EBF4: variants seen among roughly 807,000 people sequenced by gnomAD.
EBF4 encodes the protein transcription factor COE4.
A neutral mutation model predicts 67.1 loss-of-function variants in EBF4; 34 were observed. The observed-to-expected ratio is 0.51, with a 90% confidence interval of 0.39 to 0.67. The LOEUF (loss-of-function observed/expected upper bound fraction) is 0.67, where lower values mean the gene tolerates loss of function less well. Among genes scored for constraint, EBF4 ranks in the 30% least tolerant of loss-of-function variants. The pLI, the probability that EBF4 is intolerant of heterozygous loss-of-function variation, is 0.00. For synonymous variants in EBF4, 387 were observed against 377.7 expected, an observed-to-expected ratio of 1.02 and a Z score of -0.29; for missense variants, 837 against 873.3, an observed-to-expected ratio of 0.96 and a Z score of 0.52.
intron 1 of EBF4, among the ~76,000 whole-genome samples, chr20:2,698,084 T>C (rs1206309100): frequency 6.6e-6 from 1 of 152,030 alleles, no homozygotes; most frequent in African/African-American, 2.4e-5. Flanking sequence ...CAGAGAGCAG[T>C]GGAGTGGGGA....
Position 2,693,906 on chromosome 20 carries a change from C to A in EBF4, c.137+124C>A. The A allele has an allele frequency of 8.4e-7, 1 of 1,193,316 alleles. No individual in the cohort carries two copies. Among genetic ancestry groups the A allele is most frequent in the Non-Finnish European group, 1.1e-6 (1 of 951,084 alleles). The allele number at this position is 1,193,316 out of a possible 1,614,324, so 73.9% of individuals were successfully genotyped here. A position where few individuals can be genotyped will look rare whatever the true frequency, so the allele number is the denominator to read the frequency against. ...CCTAACTCTGGACGGTCCCGGCGAG[C>A]TCCCCGGCCCACCCCGTCCGGAGTG... On this transcript the variant is annotated intron_variant, in intron 1 of 16. Transcript: ENST00000609451. This position sits in a 1 kb window ranked among gnomAD's most constrained non-coding sequence, Gnocchi z 4.6.
intron 6 of EBF4, among the ~76,000 whole-genome samples, chr20:2,718,771 T>A (rs1359550800): frequency 2.0e-5 from 3 of 152,172 alleles, no homozygotes; most frequent in Non-Finnish European, 4.4e-5. Flanking sequence ...CTGTTTTTTG[T>A]TTCATTGATT....
chr20:2,737,265 AG>A (rs1287534987), intron 6 of EBF4, among the ~76,000 whole-genome samples: 10 of 144,776 alleles, frequency 6.9e-5, no homozygotes, highest in Non-Finnish European at 1.1e-4. Context: ...AAAAAAAAAA[AG>A]AAAAGAAAAG....
At chr20:2,694,034 G>A (rs761450344) in intron 1 of EBF4, among the ~76,000 whole-genome samples, 2 of 152,216 alleles carry the variant, frequency 1.3e-5, no homozygotes, top group African/African-American at 2.4e-5. Flanking sequence ...GGGTGCGGCG[G>A]TGAACGCCAC....
At chr20:2,693,446 G>T (rs2087240408), upstream of EBF4, 5 of 481,524 alleles carry the variant, frequency 1.0e-5, no homozygotes, top group East Asian at 1.4e-4. This position sits in a 1 kb window ranked among gnomAD's most constrained non-coding sequence, Gnocchi z 4.6. Context: ...CGCCCCAGGA[G>T]GGGAGGGGAC....
chr20:2,744,586 C>T (rs922933248), intron 6 of EBF4, among the ~76,000 whole-genome samples: 2 of 150,592 alleles, frequency 1.3e-5, no homozygotes, highest in African/African-American at 2.5e-5. Context: ...CCACCTCCCC[C>T]GTTCAAGCAA....
chr20:2,741,966 A>G (rs2087974523), intron 6 of EBF4, among the ~76,000 whole-genome samples: 1 of 152,202 alleles, frequency 6.6e-6, no homozygotes, highest in Non-Finnish European at 1.5e-5. Context: ...ACTAGGAGCA[A>G]GAGGACCTGA....
chr20:2,729,790 A>G (rs553413570), intron 6 of EBF4, among the ~76,000 whole-genome samples: 2 of 152,214 alleles, frequency 1.3e-5, no homozygotes, highest in African/African-American at 4.8e-5. Flanking sequence ...GGTTGTTACT[A>G]TCTATAGAGA....
At chr20:2,746,685 G>C (rs1188676664) in intron 6 of EBF4, among the ~76,000 whole-genome samples, 1 of 152,214 alleles carries the variant, frequency 6.6e-6, no homozygotes. Context: ...TGAATTAAAT[G>C]AACATTCAAA....
rs1471685563 is a variant in EBF4 at position 2,749,387 on chromosome 20, G to A, written c.640-14G>A. The A allele has an allele frequency of 1.3e-6, 2 of 1,519,784 alleles. No homozygotes were observed. Among genetic ancestry groups the A allele is most frequent in the East Asian group, 2.5e-5 (1 of 39,906 alleles). 94.1% of individuals were successfully genotyped at this position (1,519,784 alleles called of 1,614,324 possible). A position where few individuals can be genotyped will look rare whatever the true frequency, so the allele number is the denominator to read the frequency against. On this transcript the variant is annotated splice_polypyrimidine_tract_variant and intron_variant, in intron 7 of 16. Coordinates refer to ENST00000609451, the Ensembl canonical transcript of EBF4. ...CGAGGGCCCCAGCCAGGCTGGCCTCGGCTCTCCCCGCAGGTGGTGGTGTCC... is the reference window on the plus strand; with the variant it reads ...CGAGGGCCCCAGCCAGGCTGGCCTCAGCTCTCCCCGCAGGTGGTGGTGTCC...
At chr20:2,704,167 G>T (rs1218971189) in intron 1 of EBF4, among the ~76,000 whole-genome samples, 3 of 152,084 alleles carry the variant, frequency 2.0e-5, no homozygotes, top group Admixed American at 6.6e-5. Context: ...CAATACAAGA[G>T]GGGGCTAACT....
chr20:2,720,474 T>C (rs573004371), intron 6 of EBF4, among the ~76,000 whole-genome samples: 1 of 152,288 alleles, frequency 6.6e-6, no homozygotes, highest in East Asian at 1.9e-4. Flanking sequence ...GATTATCTTA[T>C]TTTTGTCTCC....
At chr20:2,726,214 T>G (rs2087744718) in intron 6 of EBF4, among the ~76,000 whole-genome samples, 1 of 152,210 alleles carries the variant, frequency 6.6e-6, no homozygotes, top group South Asian at 2.1e-4. Context: ...TCATTCAATT[T>G]TATTATTCCA....
rs550839207 is a variant in EBF4, at chr20:2,725,611, A to G, written c.557+15969A>G. 9.7e-4 allele frequency among the ~76,000 whole-genome samples: 147 copies of G among 152,008 alleles called. 1 individual carries two copies. The highest frequency in any genetic ancestry group is 3.5e-3 in the African/African-American group (144 of 41,444). The stretch of plus-strand genomic sequence containing the variant: ...TGTTTCTGTGTTTGGTCTTTTTGTT[A>G]TTGATGTGGTGGTGGTTATTTTAGT... On this transcript the variant is annotated intron_variant, in intron 6 of 16. Transcript: ENST00000609451.
intron 5 of EBF4, among the ~76,000 whole-genome samples, chr20:2,708,379 T>A (rs999819409): frequency 9.9e-5 from 15 of 152,174 alleles, no homozygotes; most frequent in African/African-American, 3.6e-4. Flanking sequence ...AGCTAATCTT[T>A]GAGGAAATTT....
intron 6 of EBF4, among the ~76,000 whole-genome samples, chr20:2,746,221 C>T (rs985444093): frequency 2.0e-5 from 3 of 152,078 alleles, no homozygotes; most frequent in South Asian, 2.1e-4. Context: ...AAATGGAGTG[C>T]GCCCACTGTG....
chr20:2,710,959 G>T (rs2146398635), intron 6 of EBF4, among the ~76,000 whole-genome samples: 1 of 152,082 alleles, frequency 6.6e-6, no homozygotes, highest in Non-Finnish European at 1.5e-5. Flanking sequence ...CTGGCCAACA[G>T]GGTAAAATCC....
At chr20:2,706,023 T>C in exon 3 of EBF4, 2 of 1,551,616 alleles carry the variant, frequency 1.3e-6, no homozygotes, top group Non-Finnish European at 1.7e-6. Context: ...CGCCTCCGGC[T>C]GGTGTATAAC....
At position 2,756,253 on chromosome 20, in the gene EBF4, G is replaced by T. The variant is rs1335774932; in HGVS notation, c.1738+429G>T. On this transcript the variant is annotated intron_variant, in intron 15 of 16. Coordinates refer to ENST00000609451, the Ensembl canonical transcript of EBF4. This position sits in a 1 kb window ranked among gnomAD's most constrained non-coding sequence, Gnocchi z 4.5. ...GGGACTGGGTCGCTGACCATGGAAG[G>T]GGACTGACCTTAGAAGAGGCTTAGC... 6.6e-6 allele frequency among the ~76,000 whole-genome samples: 1 copy of T among 152,212 alleles called. No homozygotes were observed. The highest frequency in any genetic ancestry group is 2.4e-5 in the African/African-American group (1 of 41,452).
Sources: gnomAD v4.1 joint callset for allele counts (sites outside exome capture counted in the v4.1 genomes callset) on GRCh38, gnomAD v4.1.1 for gene constraint, Gnocchi (gnomAD v3.1) non-coding constraint, MANE v1.5 for transcripts, NCBI Gene and HGNC (gene_info 2026-07-23, HGNC 2026-07-21) for gene names.